PAICS: variants seen among roughly 807,000 people sequenced by gnomAD.
PAICS encodes the protein bifunctional phosphoribosylaminoimidazole carboxylase/phosphoribosylaminoimidazole succinocarboxamide synthetase.
Under a neutral mutation model 53.7 loss-of-function variants are expected in PAICS, and 33 were observed. That is an observed-to-expected ratio of 0.61 (90% CI 0.47 to 0.82). The LOEUF (loss-of-function observed/expected upper bound fraction) is 0.82. PAICS is among the 40% of genes least tolerant of loss of function. The pLI, the probability that PAICS is intolerant of heterozygous loss-of-function variation, is 0.00. For synonymous variants in PAICS, 141 were observed against 167.2 expected, an observed-to-expected ratio of 0.84 and a Z score of 1.21; for missense variants, 394 against 494.1, an observed-to-expected ratio of 0.80 and a Z score of 1.92.
At position 56,453,831 on chromosome 4, in the gene PAICS, T is replaced by C. The variant is rs1407382524; in HGVS notation, c.1111+70T>C. On this transcript the variant is annotated intron_variant, in intron 8 of 8. Transcript: ENST00000512576. The stretch of plus-strand genomic sequence containing the variant: ...AACAGATGCACAACAGTAGACAGAA[T>C]AGCATAATAAAATCTCATGTACCCA... 5 of 1,101,074 alleles carry C rather than the reference T, an allele frequency of 4.5e-6. No homozygotes were observed. In the Admixed American group the frequency reaches 6.4e-5, roughly 14 times the overall value. 68.2% of individuals were successfully genotyped at this position (1,101,074 alleles called of 1,614,324 possible). A position where few individuals can be genotyped will look rare whatever the true frequency, so the allele number is the denominator to read the frequency against.
rs1277936801 is a variant in PAICS at position 56,461,484 on chromosome 4, G to A, written c.*1946G>A. Reference sequence around the variant, plus strand: ...AATTTTTAAACTTTCATTTAGACTGGTGGATAGGACTGACCATTACAAATT... The same window carrying A: ...AATTTTTAAACTTTCATTTAGACTGATGGATAGGACTGACCATTACAAATT... On this transcript the variant is annotated 3_prime_UTR_variant, in exon 9 of 9. Coordinates refer to ENST00000512576, the MANE Select transcript of PAICS (RefSeq NM_001079524.2). 6.6e-6 allele frequency: 1 copy of A among 151,984 alleles called. No homozygotes were observed. The highest frequency in any genetic ancestry group is 1.5e-5 in the Non-Finnish European group (1 of 67,994). The allele number at this position is 151,984 out of a possible 1,614,324, so 9.4% of individuals were successfully genotyped here.
At chr4:56,435,846 C>T (rs763782704), upstream of PAICS, 183 of 1,492,950 alleles carry the variant, frequency 1.2e-4, no homozygotes, top group Middle Eastern at 3.6e-4. Context: ...ATGGGAGTAA[C>T]GGACTTAACC....
In PAICS at chr4:56,463,276, TAA is replaced by T. The variant is rs986317439; in HGVS notation, c.*3740_*3741del. 6.6e-6 allele frequency: 1 copy of T among 151,990 alleles called. No individual in the cohort carries two copies. Among genetic ancestry groups the T allele is most frequent in the African/African-American group, 2.4e-5 (1 of 41,370 alleles). 9.4% of individuals were successfully genotyped at this position (151,990 alleles called of 1,614,324 possible). On this transcript the variant is annotated 3_prime_UTR_variant, in exon 9 of 9. Coordinates refer to ENST00000512576, the MANE Select transcript of PAICS (RefSeq NM_001079524.2). ...TGGAAATCAAGTTATAAAATGGAGC[TAA>T]ATATTTCTTCTGCTTGCCTCTGAGT... is the stretch of plus-strand genomic sequence containing the variant.
In PAICS at chr4:56,441,703, A is replaced by G; in HGVS notation, c.57A>G (p.Lys19=). The G allele has an allele frequency of 6.3e-7, 1 of 1,598,172 alleles. No individual in the cohort carries two copies. The highest frequency in any genetic ancestry group is 8.5e-7 in the Non-Finnish European group (1 of 1,172,796). ...AAAAATTATATGAGGGTAAAACAAA[A>G]GAAGTCTACGAATTGTTAGACAGTC... ...IGKKLYEGKT[K]EVYELLDSPG... The change falls in exon 2 of 9, where the codon AAA becomes AAG. Residue 19 remains lysine, a synonymous_variant. Coordinates refer to ENST00000512576, the MANE Select transcript of PAICS (RefSeq NM_001079524.2).
chr4:56,410,879 G>A, the PAICS span: 1 of 636,642 alleles, frequency 1.6e-6, no homozygotes, highest in Non-Finnish European at 1.8e-6. Flanking sequence ...CCCAAGTACA[G>A]CCCCAGAGAC....
intron 2 of PAICS, 52 bp from the exon 3 acceptor site, chr4:56,446,643 C>A: frequency 2.6e-6 from 3 of 1,149,318 alleles, no homozygotes; most frequent in Non-Finnish European, 3.7e-6. Flanking sequence ...TCAGATCTAC[C>A]TTTTTACATA....
rs1396530853 is a variant in PAICS, at chr4:56,463,322, T to TA, written c.*3785dup. ...TCTGAGTTGATAAGATACCATAAGA[T>TA]ACTGTACATGAGGCTGGGCGCGGTG... On this transcript the variant is annotated 3_prime_UTR_variant, in exon 9 of 9. Transcript: ENST00000512576. 1 of 151,624 alleles carries TA rather than the reference T, an allele frequency of 6.6e-6. No individual in the cohort carries two copies. The highest frequency in any genetic ancestry group is 2.4e-5 in the African/African-American group (1 of 41,216). 9.4% of individuals were successfully genotyped at this position (151,624 alleles called of 1,614,324 possible). A position where few individuals can be genotyped will look rare whatever the true frequency, so the allele number is the denominator to read the frequency against.
At chr4:56,454,877 G>A (rs1449653645) in intron 8 of PAICS, among the ~76,000 whole-genome samples, 1 of 152,012 alleles carries the variant, frequency 6.6e-6, no homozygotes, top group Non-Finnish European at 1.5e-5. Flanking sequence ...TGGGGATAAG[G>A]CTGGGTGCAG....
intron 2 of PAICS, 154 bp downstream of exon 2, chr4:56,442,014 A>G (rs138825626): frequency 3.4e-4 from 193 of 563,252 alleles, no homozygotes; most frequent in Non-Finnish European, 5.4e-4. Context: ...AAACTTCACT[A>G]TAACACCTTA....
At chr4:56,437,167 G>T (rs1050072469) in intron 1 of PAICS, among the ~76,000 whole-genome samples, 1 of 151,194 alleles carries the variant, frequency 6.6e-6, no homozygotes, top group African/African-American at 2.4e-5. Context: ...TCATGGGTGT[G>T]TATGTGTGTG....
rs1177156869 is a variant in PAICS, at chr4:56,460,249, G to A, written c.*711G>A. On this transcript the variant is annotated 3_prime_UTR_variant, in exon 9 of 9. Transcript: ENST00000512576. ...TCCCATGGGCACTCATGAAAAAACAGAATGCTCCCAACTTTATTCATCTTC... is the reference window on the plus strand; with the variant it reads ...TCCCATGGGCACTCATGAAAAAACAAAATGCTCCCAACTTTATTCATCTTC... 6.6e-6 allele frequency: 1 copy of A among 152,128 alleles called. No homozygotes were observed. Among genetic ancestry groups the A allele is most frequent in the Non-Finnish European group, 1.5e-5 (1 of 68,052 alleles). 9.4% of individuals were successfully genotyped at this position (152,128 alleles called of 1,614,324 possible).
chr4:56,437,243 T>C (rs1718050022), intron 1 of PAICS, among the ~76,000 whole-genome samples: 1 of 137,664 alleles, frequency 7.3e-6, no homozygotes, highest in African/African-American at 2.8e-5. Context: ...TAGGTAGTCT[T>C]TGATGCCATG....
chr4:56,416,811 G>A, the PAICS span, among the ~76,000 whole-genome samples: 12 of 152,070 alleles, frequency 7.9e-5, no homozygotes, highest in Non-Finnish European at 1.6e-4. Context: ...AGGATAATTT[G>A]AATCACCCAA....
chr4:56,436,121 T>TCCGATATCCGCGTTTCAGTCTCCGC, upstream of PAICS: 1 of 1,475,948 alleles, frequency 6.8e-7, no homozygotes, highest in South Asian at 1.4e-5. Flanking sequence ...CGTTGTTTCG[T>TCCGATATCCGCGTTTCAGTCTCCGC]CCGATATCCG....
intron 1 of PAICS, among the ~76,000 whole-genome samples, chr4:56,440,867 A>G (rs531490913): frequency 2.0e-4 from 30 of 152,228 alleles, no homozygotes; most frequent in African/African-American, 6.3e-4. Context: ...ATGAGGGTTG[A>G]TTTCTCTCTT....
chr4:56,433,564 T>C (rs962030419), upstream of PAICS, among the ~76,000 whole-genome samples: 1 of 151,524 alleles, frequency 6.6e-6, no homozygotes, highest in Non-Finnish European at 1.5e-5. Context: ...GGATGAAAAT[T>C]TCTTGAATAA....
chr4:56,437,892 C>T (rs1578145260), intron 1 of PAICS, among the ~76,000 whole-genome samples: 2 of 149,436 alleles, frequency 1.3e-5, no homozygotes, highest in African/African-American at 4.9e-5. Flanking sequence ...AGTATCAACT[C>T]CCTAGAATCA....
chr4:56,422,677 G>C, the PAICS span: 1 of 152,000 alleles, frequency 6.6e-6, no homozygotes, highest in South Asian at 2.1e-4. Context: ...CATGAGAGTG[G>C]TGCCCTCATA....
chr4:56,435,573 G>C, upstream of PAICS: 1 of 1,586,524 alleles, frequency 6.3e-7, no homozygotes, highest in Non-Finnish European at 8.6e-7. Context: ...AGAAGCTCGC[G>C]CTCGCGACAG....
Sources: allele counts gnomAD v4.1 joint callset (sites outside exome capture counted in the v4.1 genomes callset), GRCh38; gene constraint gnomAD v4.1.1; transcripts MANE v1.5; gene names NCBI Gene and HGNC (gene_info 2026-07-23, HGNC 2026-07-21).